ZNF507: variants seen among roughly 807,000 people sequenced by gnomAD.
ZNF507 encodes the protein zinc finger protein 507.
ZNF507 carries 29 observed loss-of-function variants against 80.0 expected under a neutral mutation model. That is an observed-to-expected ratio of 0.36 (90% CI 0.27 to 0.49). The LOEUF (loss-of-function observed/expected upper bound fraction) is 0.49, where lower values mean the gene tolerates loss of function less well. ZNF507 is among the 20% of genes least tolerant of loss of function. The probability of loss-of-function intolerance (pLI) is 0.98; values close to 1 mark genes in which losing one functional copy is unlikely to be tolerated. For synonymous variants in ZNF507, 462 were observed against 422.5 expected (o/e 1.09, Z -1.15); for missense variants, 1,081 against 1,152.2 (o/e 0.94, Z 0.90).
chr19:32,385,227 T>A lies in ZNF507; in HGVS notation c.*2144T>A, dbSNP rs936357557. 6.6e-6 allele frequency: 1 copy of A among 152,228 alleles called. No individual in the cohort carries two copies. The highest frequency in any genetic ancestry group is 2.4e-5 in the African/African-American group (1 of 41,460). 9.4% of individuals were successfully genotyped at this position (152,228 alleles called of 1,614,324 possible). ...TTCTTTAAACTAATTCCATTGATTGTTACTTAAATTTTCCACCTGGAATCA... is the reference window on the plus strand; with the variant it reads ...TTCTTTAAACTAATTCCATTGATTGATACTTAAATTTTCCACCTGGAATCA... On this transcript the variant is annotated 3_prime_UTR_variant, in exon 7 of 7. Transcript: ENST00000355898.
At chr19:32,346,094 C>T (rs553752557) in intron 1 of ZNF507, among the ~76,000 whole-genome samples, 4 of 152,316 alleles carry the variant, frequency 2.6e-5, no homozygotes, top group African/African-American at 9.6e-5. Context: ...AATGTGAGAT[C>T]GCTTAGGCCA....
chr19:32,353,736 C>A lies in ZNF507; in HGVS notation c.906C>A (p.Val302=), dbSNP rs73926019. The A allele has an allele frequency of 7.9e-4, 1,281 of 1,614,142 alleles. 8 individuals carry two copies. The African/African-American group carries it at 0.014, about 18-fold the overall frequency. The change falls in exon 3 of 7, where the codon GTC becomes GTA. Residue 302 remains valine, a synonymous_variant. Coordinates refer to ENST00000355898, the MANE Select transcript of ZNF507 (RefSeq NM_001136156.2). The part of the protein sequence containing the change: ...DSSAAAAPGG[V]DAVVIAIGES... ...CAGCAGCTGCTGCGCCTGGTGGGGT[C>A]GATGCAGTCGTCATTGCTATTGGAG...
chr19:32,347,996 A>G (rs747919287), intron 2 of ZNF507, among the ~76,000 whole-genome samples: 7 of 152,246 alleles, frequency 4.6e-5, no homozygotes, highest in Non-Finnish European at 8.8e-5. Context: ...ATTGTAGCCA[A>G]TATAGTGAGG....
intron 3 of ZNF507, among the ~76,000 whole-genome samples, chr19:32,355,228 C>A (rs1232072308): frequency 6.6e-6 from 1 of 152,188 alleles, no homozygotes; most frequent in Non-Finnish European, 1.5e-5. Flanking sequence ...TTTTCTGTTG[C>A]AAGAGAATTG....
intron 5 of ZNF507, among the ~76,000 whole-genome samples, chr19:32,376,089 C>T (rs1967542332): frequency 6.6e-6 from 1 of 152,116 alleles, no homozygotes; most frequent in African/African-American, 2.4e-5. Flanking sequence ...ATGTGAAATG[C>T]TAGGCAGCTT....
intron 5 of ZNF507, among the ~76,000 whole-genome samples, chr19:32,372,697 G>A (rs1442667429): frequency 2.0e-5 from 3 of 151,620 alleles, no homozygotes; most frequent in Non-Finnish European, 4.4e-5. Context: ...GTCCAGTCTT[G>A]GAAGAGCAGG....
At chr19:32,375,096 TA>T (rs61039468) in intron 5 of ZNF507, among the ~76,000 whole-genome samples, 145 of 142,920 alleles carry the variant, frequency 1.0e-3, no homozygotes, top group Middle Eastern at 3.6e-3. Flanking sequence ...AGTATATTTG[TA>T]AAAAAAAAAA....
At chr19:32,378,097 T>C (rs1434152269) in intron 5 of ZNF507, among the ~76,000 whole-genome samples, 1 of 152,146 alleles carries the variant, frequency 6.6e-6, no homozygotes, top group Non-Finnish European at 1.5e-5. Flanking sequence ...TCAGTGCGTG[T>C]AATCCCAGCA....
At chr19:32,346,084 A>C (rs534105631) in intron 1 of ZNF507, among the ~76,000 whole-genome samples, 29 of 152,298 alleles carry the variant, frequency 1.9e-4, no homozygotes, top group African/African-American at 7.0e-4. Context: ...TCTTTCTGCA[A>C]ATGTGAGATC....
At chr19:32,362,288 G>C (rs1967339684) in intron 5 of ZNF507, among the ~76,000 whole-genome samples, 1 of 152,182 alleles carries the variant, frequency 6.6e-6, no homozygotes, top group Admixed American at 6.5e-5. Flanking sequence ...TTACCTGATA[G>C]GAGGAGAAAG....
At chr19:32,352,684 C>T (rs934814981) in intron 2 of ZNF507, 145 bp from the exon 3 acceptor site, 28 of 623,344 alleles carry the variant, frequency 4.5e-5, no homozygotes, top group African/African-American at 1.3e-4. Context: ...TACTGGGGAT[C>T]GCCGGGTGTG....
In ZNF507 at chr19:32,354,820, C is replaced by T. The variant is rs563902319; in HGVS notation, c.1990C>T (p.Arg664Ter). Residue 664 changes from arginine (R) to a stop codon, truncating the protein, a stop_gained, in exon 3 of 7, where the codon CGA becomes TGA. Coordinates refer to ENST00000355898, the MANE Select transcript of ZNF507 (RefSeq NM_001136156.2). LOFTEE classifies it high-confidence loss of function. ...GYIKQHLRVH[R>*]QRQPYQCPIC... ...CATCAAGCAGCACTTACGAGTCCAT[C>T]GACAGAGACAGCCTTATCAGTGTCC... 6.2e-7 allele frequency: 1 copy of T among 1,614,042 alleles called. No homozygotes were observed. Among genetic ancestry groups the T allele is most frequent in the Non-Finnish European group, 8.5e-7 (1 of 1,180,040 alleles).
At chr19:32,375,502 A>G (rs1967534498) in intron 5 of ZNF507, among the ~76,000 whole-genome samples, 1 of 152,236 alleles carries the variant, frequency 6.6e-6, no homozygotes, top group African/African-American at 2.4e-5. Context: ...CAACAGATAC[A>G]TGCATGAGGG....
At chr19:32,381,100 G>A (rs1967616897) in intron 5 of ZNF507, among the ~76,000 whole-genome samples, 4 of 152,086 alleles carry the variant, frequency 2.6e-5, no homozygotes, top group Admixed American at 2.6e-4. Context: ...AGCCCTGAAA[G>A]ACATGTAAAA....
chr19:32,374,668 G>T (rs1393675520), intron 5 of ZNF507, among the ~76,000 whole-genome samples: 1 of 151,938 alleles, frequency 6.6e-6, no homozygotes, highest in Non-Finnish European at 1.5e-5. Flanking sequence ...TTTTGGTAGA[G>T]ACAGGGTTTT....
Position 32,354,841 on chromosome 19 carries a change from T to A in ZNF507, c.2011T>A (p.Cys671Ser), listed in dbSNP as rs1346378167. ...CCATCGACAGAGACAGCCTTATCAG[T>A]GTCCTATCTGCGAGCACATAGCGGA... is the stretch of plus-strand genomic sequence containing the variant. ...RVHRQRQPYQ[C>S]PICEHIADNS... Residue 671 changes from cysteine to serine, a missense_variant, in exon 3 of 7, where the codon TGT (cysteine) becomes AGT (serine). Transcript: ENST00000355898. The A allele has an allele frequency of 1.2e-6, 2 of 1,614,212 alleles. No individual in the cohort carries two copies. The highest frequency in any genetic ancestry group is 8.5e-7 in the Non-Finnish European group (1 of 1,180,032).
intron 4 of ZNF507, 61 bp downstream of exon 4, chr19:32,356,794 A>C: frequency 2.3e-6 from 3 of 1,305,926 alleles, no homozygotes. Context: ...AAGTGCCCTT[A>C]GTTGTCATGG....
In ZNF507 at chr19:32,352,932, T is replaced by C; in HGVS notation, c.102T>C (p.Asp34=). The C allele has an allele frequency of 6.2e-7, 1 of 1,614,088 alleles. No individual in the cohort carries two copies. The highest frequency in any genetic ancestry group is 1.3e-5 in the African/African-American group (1 of 75,016). The change falls in exon 3 of 7, where the codon GAT becomes GAC. Residue 34 remains aspartate (D), a synonymous_variant. Coordinates refer to ENST00000355898, the MANE Select transcript of ZNF507 (RefSeq NM_001136156.2). ...ESIISPSLEI[D]EQRKTKPDPL... ...TCATCAGTCCTTCATTGGAAATTGA[T>C]GAACAAAGAAAAACTAAACCAGATC...
intron 4 of ZNF507, chr19:32,358,687 G>C (rs961146876): frequency 1.3e-5 from 2 of 152,190 alleles, no homozygotes; most frequent in Admixed American, 1.3e-4. Context: ...CAAGCGCTGG[G>C]GATTCAGTCT....
Sources: gnomAD v4.1 joint callset for allele counts (sites outside exome capture counted in the v4.1 genomes callset) on GRCh38, gnomAD v4.1.1 for gene constraint, MANE v1.5 for transcripts, NCBI Gene and HGNC (gene_info 2026-07-23, HGNC 2026-07-21) for gene names.